The following SPTBN5 variants were observed in gnomAD, a reference collection of about 807,000 sequenced individuals.
The protein encoded by SPTBN5 is spectrin beta, non-erythrocytic 5, also known as spectrin beta chain, non-erythrocytic 5.
A neutral mutation model predicts 477.6 loss-of-function variants in SPTBN5; 513 were observed. The observed-to-expected ratio is 1.07, with a 90% confidence interval of 1.00 to 1.16. SPTBN5 has a LOEUF of 1.16. Among genes scored for constraint, SPTBN5 ranks in the 50% most tolerant of loss-of-function variants. The pLI is 0.00. For missense variants in SPTBN5, 5,062 were observed against 4,731.8 expected (o/e 1.07, Z -2.05); for synonymous variants, 2,169 against 2,011.7 (o/e 1.08, Z -2.09).
In SPTBN5 at chr15:41,866,204, C is replaced by T; in HGVS notation, c.6656G>A (p.Ser2219Asn). Reference sequence around the variant, plus strand: ...GGAGACCTCTCCGGCTCGAGGGTGACTCTGTGCCAGGAGAGCCTCTCCCTT... The same window carrying T: ...GGAGACCTCTCCGGCTCGAGGGTGATTCTGTGCCAGGAGAGCCTCTCCCTT... The part of the protein sequence containing the change: ...AKKGEALLAQ[S>N]HPRAGEVSQR... Residue 2219 changes from serine (S) to asparagine (N), a missense_variant, in exon 38 of 68, where the codon AGT (serine) becomes AAT (asparagine). By Grantham distance (46) the Ser-to-Asn change is conservative. Transcript: ENST00000320955. 1 of 1,589,090 alleles carries T rather than the reference C, an allele frequency of 6.3e-7. No individual in the cohort carries two copies.
chr15:41,866,195 C>A lies in SPTBN5; in HGVS notation c.6665G>T (p.Arg2222Leu), dbSNP rs899631012. The change falls in exon 38 of 68, where the codon CGA (arginine) becomes CTA (leucine). Residue 2222 changes from arginine (R) to leucine (L), a missense_variant. Transcript: ENST00000320955. ...CAGCCGCTGGGAGACCTCTCCGGCT[C>A]GAGGGTGACTCTGTGCCAGGAGAGC... ...GEALLAQSHP[R>L]AGEVSQRLQG... is the part of the protein sequence containing the mutation. The A allele has an allele frequency of 6.3e-7, 1 of 1,583,312 alleles. No homozygotes were observed. The highest frequency in any genetic ancestry group is 1.8e-5 in the Admixed American group (1 of 55,190).
At position 41,882,158 on chromosome 15, in the gene SPTBN5, G is replaced by GT; in HGVS notation, c.2248-14dup. The GT allele has an allele frequency of 6.4e-7, 1 of 1,560,458 alleles. No homozygotes were observed. The highest frequency in any genetic ancestry group is 8.6e-7 in the Non-Finnish European group (1 of 1,163,508). On this transcript the variant is annotated splice_polypyrimidine_tract_variant and intron_variant, in intron 11 of 67. Coordinates refer to ENST00000320955, the MANE Select transcript of SPTBN5 (RefSeq NM_016642.4). The stretch of plus-strand genomic sequence containing the variant: ...CGTCCGCGAAGTACTGTGGGAGGGG[G>GT]TCGGGGGTGGTGTGGGTGAAGGGGC...
At chr15:41,871,713 C>T in intron 28 of SPTBN5, 69 bp downstream of exon 28, 1 of 1,442,844 alleles carries the variant, frequency 6.9e-7, no homozygotes. Flanking sequence ...TCCGCCCCGC[C>T]AGAGCCAGCT....
In SPTBN5 at chr15:41,852,843, A is replaced by AT; in HGVS notation, c.10327_10328insA (p.Leu3443HisfsTer81). On this transcript the variant is annotated frameshift_variant, in exon 60 of 68. Coordinates refer to ENST00000320955, the MANE Select transcript of SPTBN5 (RefSeq NM_016642.4). LOFTEE classifies it high-confidence loss of function. ...ACTCACCCCATAGTCGGGCTTCAGC[A>AT]GGAGTCCCTCCCAGCAGGCCAGCCA... 6.2e-7 allele frequency: 1 copy of AT among 1,606,738 alleles called. No individual in the cohort carries two copies.
chr15:41,857,600 C>G lies in SPTBN5; in HGVS notation c.8337G>C (p.Lys2779Asn). The change falls in exon 50 of 68, where the codon AAG becomes AAC. Residue 2779 changes from lysine (K) to asparagine (N), a missense_variant. Physicochemically the swap from Lys to Asn is moderately conservative, Grantham distance 94. Transcript: ENST00000320955. ...WGELQDNSQK[K>N]VAKLQKACEA... ...CACAGGCCTTCTGGAGCTTGGCCACCTTCTTCTGGGAGTTGTCTTGCAGCT... is the reference window on the plus strand; with the variant it reads ...CACAGGCCTTCTGGAGCTTGGCCACGTTCTTCTGGGAGTTGTCTTGCAGCT... 3 of 1,609,012 alleles carry G rather than the reference C, an allele frequency of 1.9e-6. No homozygotes were observed. Among genetic ancestry groups the G allele is most frequent in the Non-Finnish European group, 2.5e-6 (3 of 1,177,878 alleles).
At chr15:41,886,420 T>C (rs1340285735) in intron 6 of SPTBN5, 54 bp from the exon 7 acceptor site, 68 of 1,510,148 alleles carry the variant, frequency 4.5e-5, no homozygotes, top group Non-Finnish European at 6.0e-5. Context: ...GGCCCTGGAA[T>C]GGGCACTGAG....
chr15:41,856,293 G>A (rs1168916925), intron 53 of SPTBN5, 93 bp downstream of exon 53: 7 of 1,192,212 alleles, frequency 5.9e-6, no homozygotes, highest in African/African-American at 1.6e-5. Flanking sequence ...GAGACGAAAG[G>A]TGCCCAGGCC....
At chr15:41,878,996 G>C (rs1034239970) in intron 16 of SPTBN5, among the ~76,000 whole-genome samples, 7 of 152,138 alleles carry the variant, frequency 4.6e-5, no homozygotes, top group African/African-American at 1.7e-4. Context: ...AACCCGGGAG[G>C]CTGAGCTTCC....
chr15:41,857,140 G>T, intron 51 of SPTBN5, 98 bp downstream of exon 51: 1 of 1,513,762 alleles, frequency 6.6e-7, no homozygotes, highest in Non-Finnish European at 8.9e-7. Context: ...CTCACCATGG[G>T]CAAGGGGAGA....
chr15:41,892,974 G>T lies in SPTBN5; in HGVS notation c.304C>A (p.Leu102Met). 6.2e-7 allele frequency: 1 copy of T among 1,609,494 alleles called. No homozygotes were observed. Residue 102 changes from leucine to methionine, a missense_variant, in exon 3 of 68, where the codon CTG (leucine) becomes ATG (methionine). Transcript: ENST00000320955. ...AGGCGGCCCCGGCTCGGGGGTGGCA[G>T]GGCCTCCCCTGAGATGAGCTCCAGC... ...RLLELISGEALPPPSRGRLRV... is the reference protein window; with the variant it reads ...RLLELISGEAMPPPSRGRLRV...
chr15:41,864,556 T>C (rs1248613051), intron 39 of SPTBN5, among the ~76,000 whole-genome samples: 1 of 152,220 alleles, frequency 6.6e-6, no homozygotes. Flanking sequence ...TCAAGTGATC[T>C]GCCCGCCTTG....
Position 41,871,377 on chromosome 15 carries a change from C to T in SPTBN5, c.5445G>A (p.Leu1815=). ...GPMVRQRQQD[L]QTAWSELWEL... ...GGCCTGGCCCGTTGGGCACTCACTG[C>T]AGATCCTGCTGCCTCTGACGGACCA... The change falls in exon 29 of 68, where the codon CTG becomes CTA. Residue 1815 remains leucine, a splice_region_variant and synonymous_variant. Coordinates refer to ENST00000320955, the MANE Select transcript of SPTBN5 (RefSeq NM_016642.4). 1 of 1,446,786 alleles carries T rather than the reference C, an allele frequency of 6.9e-7. No homozygotes were observed. The highest frequency in any genetic ancestry group is 9.1e-7 in the Non-Finnish European group (1 of 1,097,216). 89.6% of individuals were successfully genotyped at this position (1,446,786 alleles called of 1,614,324 possible).
Position 41,887,361 on chromosome 15 carries a change from T to G in SPTBN5, c.740A>C (p.Gln247Pro). The change falls in exon 6 of 68, where the codon CAG (glutamine) becomes CCG (proline). Residue 247 changes from glutamine to proline, a missense_variant. Physicochemically the swap from Gln to Pro is moderately conservative, Grantham distance 76. Transcript: ENST00000320955. ...NLAFAFLVAE[Q>P]ELGIAQLLDP... is the part of the protein sequence containing the mutation. ...CAGCAGCTGAGCAATGCCCAGCTCC[T>G]GCTCAGCCACCAGGAAAGCAAAAGC... 6.4e-7 allele frequency: 1 copy of G among 1,553,028 alleles called. No homozygotes were observed. The highest frequency in any genetic ancestry group is 8.7e-7 in the Non-Finnish European group (1 of 1,148,066).
At position 41,881,108 on chromosome 15, in the gene SPTBN5, A is replaced by AGTCAGG. The variant is rs758962931; in HGVS notation, c.2578_2583dup (p.Pro860_Asp861dup). On this transcript the variant is annotated inframe_insertion, in exon 13 of 68. Coordinates refer to ENST00000320955, the MANE Select transcript of SPTBN5 (RefSeq NM_016642.4). Reference sequence around the variant, plus strand: ...GTCTGGAGTATAGTGTTGGGATCAAAGTCAGGGTCAGGCTCAGCTGGGAGG... The same window carrying AGTCAGG: ...GTCTGGAGTATAGTGTTGGGATCAAAGTCAGGGTCAGGGTCAGGCTCAGCTGGGAGG... 1.2e-6 allele frequency: 2 copies of AGTCAGG among 1,613,224 alleles called. No individual in the cohort carries two copies. The highest frequency in any genetic ancestry group is 2.2e-5 in the South Asian group (2 of 90,944).
intron 59 of SPTBN5, 48 bp from the exon 60 acceptor site, chr15:41,853,048 C>A: frequency 6.8e-7 from 1 of 1,469,850 alleles, no homozygotes; most frequent in Non-Finnish European, 9.0e-7. Context: ...AGGGCTCCCA[C>A]CATGGGCAGG....
At chr15:41,854,705 C>T in intron 56 of SPTBN5, 77 bp downstream of exon 56, 1 of 1,296,518 alleles carries the variant, frequency 7.7e-7, no homozygotes. Flanking sequence ...GAACCAAAGC[C>T]TGTGGTAAGG....
chr15:41,860,492 G>T (rs1357466787), intron 47 of SPTBN5, 94 bp downstream of exon 47: 3 of 1,280,608 alleles, frequency 2.3e-6, no homozygotes, highest in Non-Finnish European at 3.0e-6. Context: ...GTGAGCCTGG[G>T]CCAAGTAGTG....
intron 64 of SPTBN5, 47 bp from the exon 65 acceptor site, chr15:41,851,197 T>C: frequency 6.3e-7 from 1 of 1,591,808 alleles, no homozygotes; most frequent in Non-Finnish European, 8.6e-7. Context: ...TCTCAGCTTT[T>C]CCCTGTGGGG....
chr15:41,872,507 C>T, intron 26 of SPTBN5, 48 bp from the exon 27 acceptor site: 2 of 1,526,092 alleles, frequency 1.3e-6, no homozygotes, highest in Non-Finnish European at 8.8e-7. Flanking sequence ...GTGACTCATC[C>T]ACCCACCTGT....
Sources: allele counts gnomAD v4.1 joint callset (sites outside exome capture counted in the v4.1 genomes callset), GRCh38; gene constraint gnomAD v4.1.1; transcripts MANE v1.5; gene names NCBI Gene and HGNC (gene_info 2026-07-23, HGNC 2026-07-21).